The following DST variants were observed in gnomAD, a reference collection of about 807,000 sequenced individuals.
DST encodes dystonin, also known as bullous pemphigoid antigen.
In DST, 253 loss-of-function variants were observed where a neutral mutation model predicts 875.2. That is an observed-to-expected ratio of 0.29 (90% CI 0.26 to 0.32). The LOEUF (loss-of-function observed/expected upper bound fraction) is 0.32, where lower values mean the gene tolerates loss of function less well. Among genes scored for constraint, DST ranks in the 10% least tolerant of loss-of-function variants. The pLI is 1.00. For synonymous variants in DST, 3,124 were observed against 3,197.1 expected, an observed-to-expected ratio of 0.98 and a Z score of 0.77; for missense variants, 8,287 against 9,111.6, an observed-to-expected ratio of 0.91 and a Z score of 3.68.
chr6:56,954,688 G>A lies in DST; in HGVS notation c.-101C>T. Reference sequence around the variant, plus strand: ...CGGGACGGCGGGCACGGGTGAGCGCGGCTCAGCGCGTCATGCCTGGCGCTC... The same window carrying A: ...CGGGACGGCGGGCACGGGTGAGCGCAGCTCAGCGCGTCATGCCTGGCGCTC... On this transcript the variant is annotated 5_prime_UTR_variant, in exon 1 of 104. Coordinates refer to ENST00000680361, the MANE Select transcript of DST (RefSeq NM_001374736.1). The A allele has an allele frequency of 5.3e-6, 4 of 751,496 alleles. No individual in the cohort carries two copies. The highest frequency in any genetic ancestry group is 6.6e-6 in the Non-Finnish European group (4 of 603,078). 46.6% of individuals were successfully genotyped at this position (751,496 alleles called of 1,614,324 possible). A position where few individuals can be genotyped will look rare whatever the true frequency, so the allele number is the denominator to read the frequency against.
At chr6:56,471,719 C>A in intron 94 of DST, 1 of 383,942 alleles carries the variant, frequency 2.6e-6, no homozygotes, top group South Asian at 2.4e-5. Flanking sequence ...TACACACAAT[C>A]AAAAGATCTG....
intron 4 of DST, among the ~76,000 whole-genome samples, chr6:56,771,928 T>G (rs1359377215): frequency 3.3e-5 from 5 of 152,182 alleles, no homozygotes. Flanking sequence ...TCACTAGACA[T>G]GTACTTTGGC....
Position 56,487,250 on chromosome 6 carries a change from G to C in DST, c.20901C>G (p.Ala6967=). 1 of 1,565,590 alleles carries C rather than the reference G, an allele frequency of 6.4e-7. No homozygotes were observed. ...QHKEFQKSLG[A]KHSVYDTTNR... ...TGGTGGTGTCGTAGACAGAATGCTT[G>C]GCTCCGAGTGATTTCTGAAACTCCT... is the stretch of plus-strand genomic sequence containing the variant. The change falls in exon 87 of 104, where the codon GCC becomes GCG. Residue 6967 remains alanine, a synonymous_variant. Transcript: ENST00000680361.
intron 13 of DST, among the ~76,000 whole-genome samples, 185 bp downstream of exon 13, chr6:56,648,385 T>C (rs2098956288): frequency 6.6e-6 from 1 of 152,184 alleles, no homozygotes; most frequent in Admixed American, 6.5e-5. Flanking sequence ...TCTGTTTTAA[T>C]TGTTAATGTT....
Position 56,487,232 on chromosome 6 carries a change from G to A in DST, c.20919C>T (p.Asp6973=). ...GAGAACGTCCAGTCCTGTTGGTGGT[G>A]TCGTAGACAGAATGCTTGGCTCCGA... ...KSLGAKHSVY[D]TTNRTGRSLK... is the part of the protein sequence containing the mutation. The change falls in exon 87 of 104, where the codon GAC becomes GAT. Residue 6973 remains aspartate (D), a synonymous_variant. Coordinates refer to ENST00000680361, the MANE Select transcript of DST (RefSeq NM_001374736.1). 1 of 1,600,894 alleles carries A rather than the reference G, an allele frequency of 6.2e-7. No individual in the cohort carries two copies. Among genetic ancestry groups the A allele is most frequent in the Non-Finnish European group, 8.5e-7 (1 of 1,172,916 alleles).
chr6:56,633,246 AGACG>A (rs1337877914), intron 27 of DST, among the ~76,000 whole-genome samples: 2 of 111,950 alleles, frequency 1.8e-5, no homozygotes, highest in African/African-American at 1.4e-4. Flanking sequence ...TTTTTTTTTG[AGACG>A]GAGTCTCGCT....
At chr6:56,613,506 G>A (rs886590150) in intron 37 of DST, among the ~76,000 whole-genome samples, 5 of 152,190 alleles carry the variant, frequency 3.3e-5, no homozygotes, top group African/African-American at 1.2e-4. Flanking sequence ...CTAGAAGTGG[G>A]AGCTAAACAT....
rs2097340343 is a variant in DST at position 56,552,428 on chromosome 6, G to T, written c.16364C>A (p.Thr5455Asn). The change falls in exon 61 of 104, where the codon ACC becomes AAC. Residue 5455 changes from threonine to asparagine, a missense_variant. Thr to Asn is a moderately conservative substitution (Grantham distance 65, BLOSUM62 0). Coordinates refer to ENST00000680361, the MANE Select transcript of DST (RefSeq NM_001374736.1). ...TCKMMLATEE[T>N]SPDLVGIKRD... Reference sequence around the variant, plus strand: ...TTTGATTCCAACAAGGTCAGGAGAGGTTTCTTCTGTGGCTAACATCATCTT... The same window carrying T: ...TTTGATTCCAACAAGGTCAGGAGAGTTTTCTTCTGTGGCTAACATCATCTT... 2 of 1,613,814 alleles carry T rather than the reference G, an allele frequency of 1.2e-6. No individual in the cohort carries two copies. The highest frequency in any genetic ancestry group is 8.5e-7 in the Non-Finnish European group (1 of 1,179,886).
rs779038163 is a variant in DST, at chr6:56,642,072, C to A, written c.1902G>T (p.Gln634His). ...SDSKRLESGV[Q>H]FQNEAEIAGY... ...CAGCAATTTCTGCTTCATTCTGAAA[C>A]TGCACTCCTGATTCTAATCTTTTAG... The change falls in exon 17 of 104, where the codon CAG becomes CAT. Residue 634 changes from glutamine (Q) to histidine (H), a missense_variant. Physicochemically the swap from Gln to His is conservative, Grantham distance 24 (BLOSUM62 0). Around this residue, in one of 10 missense-constraint regions of DST, gnomAD observed 1,160 missense variants for 1,424.3 expected, o/e 0.81. Coordinates refer to ENST00000680361, the MANE Select transcript of DST (RefSeq NM_001374736.1). The A allele has an allele frequency of 6.2e-7, 1 of 1,612,572 alleles. No homozygotes were observed. Among genetic ancestry groups the A allele is most frequent in the South Asian group, 1.1e-5 (1 of 91,036 alleles).
chr6:56,684,486 A>C (rs561242785), intron 9 of DST, among the ~76,000 whole-genome samples: 13 of 152,328 alleles, frequency 8.5e-5, no homozygotes, highest in Non-Finnish European at 1.6e-4. Flanking sequence ...GAAAGCAGAG[A>C]TATTTGGCGG....
At chr6:56,702,006 T>C (rs1311099215) in intron 7 of DST, 41 bp from the exon 8 acceptor site, 3 of 1,153,254 alleles carry the variant, frequency 2.6e-6, no homozygotes, top group Admixed American at 3.6e-5. Context: ...GAGTTTCTGT[T>C]ATCACAGACC....
At chr6:56,851,757 A>C (rs1240669275) in intron 3 of DST, 153 bp from the exon 4 acceptor site, 5 of 1,551,798 alleles carry the variant, frequency 3.2e-6, no homozygotes, top group Non-Finnish European at 4.4e-6. Flanking sequence ...GGGAATATGC[A>C]GAAACCAAAA....
chr6:56,840,439 T>A (rs2099798609), intron 4 of DST, among the ~76,000 whole-genome samples: 1 of 152,198 alleles, frequency 6.6e-6, no homozygotes, highest in African/African-American at 2.4e-5. Flanking sequence ...ATAAATGCCT[T>A]TATTCAGCCG....
Position 56,505,481 on chromosome 6 carries a change from GA to G in DST, c.19464+961del, listed in dbSNP as rs71549712. Among the ~76,000 whole-genome samples the G allele has an allele frequency of 1.9e-3, 270 of 139,716 alleles. 1 individual carries two copies. The highest frequency in any genetic ancestry group is 6.1e-3 in the African/African-American group (232 of 38,034). The allele number at this position is 139,716 out of a possible 152,430, so 91.7% of individuals were successfully genotyped here. ...GTAAATTATCACTTAGGTTACAAAA[GA>G]AAAAAAAAAAAAGAAGAGGGAGGGA... On this transcript the variant is annotated intron_variant, in intron 77 of 103. Transcript: ENST00000680361.
chr6:56,479,160 A>C (rs1471998077), intron 90 of DST, among the ~76,000 whole-genome samples: 1 of 152,210 alleles, frequency 6.6e-6, no homozygotes, highest in African/African-American at 2.4e-5. Context: ...ACAAGCAGCC[A>C]ACAAACACAT....
chr6:56,944,826 T>C (rs1395865561), intron 2 of DST, among the ~76,000 whole-genome samples: 1 of 152,212 alleles, frequency 6.6e-6, no homozygotes, highest in Non-Finnish European at 1.5e-5. Flanking sequence ...TCCTTTATAG[T>C]GACAGATGGC....
rs200868636 is a variant in DST, at chr6:56,614,500, G to A, written c.4930-16C>T. On this transcript the variant is annotated splice_polypyrimidine_tract_variant and intron_variant, in intron 36 of 103. Coordinates refer to ENST00000680361, the MANE Select transcript of DST (RefSeq NM_001374736.1). The stretch of plus-strand genomic sequence containing the variant: ...CCAGTGACTTCTGACAGTTGTGAGC[G>A]GTAAGAAAAATATACACTGCATTAA... 151 of 1,578,760 alleles carry A rather than the reference G, an allele frequency of 9.6e-5. No individual in the cohort carries two copies. The highest frequency in any genetic ancestry group is 1.2e-4 in the African/African-American group (9 of 73,524).
intron 64 of DST, among the ~76,000 whole-genome samples, chr6:56,531,808 T>C (rs955731653): frequency 3.3e-5 from 5 of 152,114 alleles, no homozygotes; most frequent in Non-Finnish European, 5.9e-5. Flanking sequence ...CTTCCTAGCC[T>C]TCATGAAGTT....
intron 9 of DST, chr6:56,692,910 T>TA (rs1399966065): frequency 7.8e-7 from 1 of 1,289,680 alleles, no homozygotes; most frequent in Non-Finnish European, 1.0e-6. Context: ...ATTCCTGCTG[T>TA]ACCAGTCCCC....
Sources: gnomAD v4.1 joint callset for allele counts (sites outside exome capture counted in the v4.1 genomes callset) on GRCh38, gnomAD v4.1.1 for gene constraint, gnomAD v4.1.1 regional missense constraint, MANE v1.5 for transcripts, NCBI Gene and HGNC (gene_info 2026-07-23, HGNC 2026-07-21) for gene names.